Variants in SUGCT observed in about 807,000 individuals in gnomAD.
The protein encoded by SUGCT is succinyl-CoA:glutarate CoA-transferase.
A neutral mutation model predicts 55.0 loss-of-function variants in SUGCT; 41 were observed. The ratio of observed to expected loss-of-function variants is 0.74; its 90% CI spans 0.58 to 0.97. SUGCT has a LOEUF of 0.97. Ranked by LOEUF, SUGCT falls within the 50% of genes least tolerant of loss-of-function variation. SUGCT has a pLI of 0.00. For synonymous variants in SUGCT, 187 were observed against 200.4 expected, an observed-to-expected ratio of 0.93 and a Z score of 0.56; for missense variants, 568 against 547.8, an observed-to-expected ratio of 1.04 and a Z score of -0.37.
intron 13 of SUGCT, among the ~76,000 whole-genome samples, chr7:40,798,620 T>C (rs999554117): frequency 1.3e-5 from 2 of 152,190 alleles, no homozygotes; most frequent in African/African-American, 4.8e-5. Context: ...TGGGTTTAAA[T>C]AAATCTTGTT....
intron 1 of SUGCT, among the ~76,000 whole-genome samples, chr7:40,155,855 ATTTTT>A (rs1369761947): frequency 7.5e-6 from 1 of 132,500 alleles, no homozygotes; most frequent in Non-Finnish European, 1.6e-5. Context: ...GATACCTAAG[ATTTTT>A]TTTTTTTTTT....
At position 40,557,459 on chromosome 7, in the gene SUGCT, A is replaced by G. The variant is rs556990212; in HGVS notation, c.1089+61073A>G. Among the ~76,000 whole-genome samples, 14 of 152,316 alleles carry G rather than the reference A, an allele frequency of 9.2e-5. No homozygotes were observed. In the South Asian group the frequency reaches 1.2e-3, roughly 14 times the overall value. On this transcript the variant is annotated intron_variant, in intron 12 of 13. Transcript: ENST00000335693. ...AGACAAAATGGGCTTCATCAAAATT[A>G]AAAACTTTTGTACATCACAAGACAC...
chr7:40,942,756 A>C, the SUGCT span, among the ~76,000 whole-genome samples: 206 of 137,990 alleles, frequency 1.5e-3, no homozygotes, highest in African/African-American at 5.0e-3. Context: ...TGTTTCTTTT[A>C]AATTCTCTGT....
chr7:40,320,669 CTTTG>C (rs1423561772), intron 9 of SUGCT, among the ~76,000 whole-genome samples: 1 of 152,204 alleles, frequency 6.6e-6, no homozygotes, highest in Non-Finnish European at 1.5e-5. Context: ...CCATGTCCTC[CTTTG>C]TTTGTGACCC....
chr7:40,667,583 T>A (rs1042397379), intron 12 of SUGCT, among the ~76,000 whole-genome samples: 1 of 151,990 alleles, frequency 6.6e-6, no homozygotes, highest in Admixed American at 6.6e-5. Context: ...CAGGGCTTTT[T>A]TTTTTTTTTG....
At chr7:40,517,590 T>G (rs1195634301) in intron 12 of SUGCT, among the ~76,000 whole-genome samples, 1 of 152,132 alleles carries the variant, frequency 6.6e-6, no homozygotes, top group African/African-American at 2.4e-5. Context: ...CTGAACATAT[T>G]TATAATGACT....
chr7:40,463,455 C>T (rs925591800), intron 11 of SUGCT, among the ~76,000 whole-genome samples: 2 of 152,126 alleles, frequency 1.3e-5, no homozygotes, highest in African/African-American at 4.8e-5. Context: ...TTTGAGTACT[C>T]CCCTCCCTGT....
chr7:40,400,235 A>G (rs957578102), intron 9 of SUGCT, among the ~76,000 whole-genome samples: 2 of 151,974 alleles, frequency 1.3e-5, no homozygotes, highest in African/African-American at 4.8e-5. Context: ...AGTATGGTGA[A>G]TTTATTAGTC....
At chr7:40,633,693 T>C (rs968320955) in intron 12 of SUGCT, among the ~76,000 whole-genome samples, 1 of 152,164 alleles carries the variant, frequency 6.6e-6, no homozygotes, top group African/African-American at 2.4e-5. Flanking sequence ...ATTCCAAAGA[T>C]TTAAAGGCTC....
At chr7:40,932,251 T>A in the SUGCT span, among the ~76,000 whole-genome samples, 4 of 152,220 alleles carry the variant, frequency 2.6e-5, no homozygotes, top group Non-Finnish European at 5.9e-5. Flanking sequence ...AGTTTCTTAA[T>A]CCTGAGTTCT....
At chr7:40,548,901 A>G (rs1456011990) in intron 12 of SUGCT, among the ~76,000 whole-genome samples, 1 of 152,164 alleles carries the variant, frequency 6.6e-6, no homozygotes, top group African/African-American at 2.4e-5. Flanking sequence ...GGGAAGTATC[A>G]TATTTTATAT....
At chr7:40,952,770 G>A in the SUGCT span, among the ~76,000 whole-genome samples, 2 of 152,176 alleles carry the variant, frequency 1.3e-5, no homozygotes, top group Non-Finnish European at 2.9e-5. Flanking sequence ...TTAAGAGGTT[G>A]AATATTGGCC....
chr7:40,887,823 C>A, the SUGCT span, among the ~76,000 whole-genome samples: 1 of 152,028 alleles, frequency 6.6e-6, no homozygotes, highest in Non-Finnish European at 1.5e-5. Flanking sequence ...GAAGGCAGAG[C>A]CAGTAAAGAC....
chr7:40,361,901 C>T (rs1210350999), intron 9 of SUGCT, among the ~76,000 whole-genome samples: 1 of 151,644 alleles, frequency 6.6e-6, no homozygotes, highest in Non-Finnish European at 1.5e-5. Context: ...AGACCCATCG[C>T]CAGAGATTCT....
chr7:40,907,644 C>T, the SUGCT span, among the ~76,000 whole-genome samples: 1 of 152,132 alleles, frequency 6.6e-6, no homozygotes, highest in African/African-American at 2.4e-5. Context: ...TGCCTAATAT[C>T]ACATGGTTAG....
the SUGCT span, among the ~76,000 whole-genome samples, chr7:40,896,992 C>T: frequency 6.6e-6 from 1 of 152,324 alleles, no homozygotes; most frequent in Admixed American, 6.5e-5. Flanking sequence ...AACAGTACAG[C>T]ACTGTGTAAA....
chr7:40,812,041 T>A (rs1409303245), intron 13 of SUGCT, among the ~76,000 whole-genome samples: 1 of 152,194 alleles, frequency 6.6e-6, no homozygotes, highest in Non-Finnish European at 1.5e-5. Flanking sequence ...TGATTTTATG[T>A]TTATGTGGTG....
the SUGCT span, among the ~76,000 whole-genome samples, chr7:40,901,409 T>C: frequency 6.6e-6 from 1 of 152,238 alleles, no homozygotes; most frequent in African/African-American, 2.4e-5. Flanking sequence ...CCTGGCCCTA[T>C]CTATCTCACG....
intron 9 of SUGCT, among the ~76,000 whole-genome samples, chr7:40,354,570 G>A (rs1458695916): frequency 1.3e-5 from 2 of 152,176 alleles, no homozygotes; most frequent in African/African-American, 4.8e-5. Flanking sequence ...AGTTGGCTGG[G>A]TATTGCAGTT....
Sources: gnomAD v4.1 joint callset for allele counts (sites outside exome capture counted in the v4.1 genomes callset) on GRCh38, gnomAD v4.1.1 for gene constraint, MANE v1.5 for transcripts, NCBI Gene and HGNC (gene_info 2026-07-23, HGNC 2026-07-21) for gene names.